SCAMP5: variants seen among roughly 807,000 people sequenced by gnomAD.
SCAMP5 encodes secretory carrier-associated membrane protein 5.
Under a neutral mutation model 28.3 loss-of-function variants are expected in SCAMP5, and 7 were observed. The ratio of observed to expected loss-of-function variants is 0.25; its 90% CI spans 0.14 to 0.46. The LOEUF is 0.46. SCAMP5 is among the 20% of genes least tolerant of loss of function. SCAMP5 has a pLI of 0.99. For missense variants in SCAMP5, 192 were observed against 312.5 expected, an observed-to-expected ratio of 0.61 and a Z score of 2.91; for synonymous variants, 117 against 116.4, an observed-to-expected ratio of 1.00 and a Z score of -0.03.
At chr15:75,015,376 TA>T (rs757825532) in intron 3 of SCAMP5, among the ~76,000 whole-genome samples, 2 of 151,632 alleles carry the variant, frequency 1.3e-5, no homozygotes, top group African/African-American at 2.4e-5. Flanking sequence ...CTTTTATCTG[TA>T]AATCTTTGAG....
At chr15:75,001,469 G>T (rs2065707535) in intron 1 of SCAMP5, among the ~76,000 whole-genome samples, 1 of 151,312 alleles carries the variant, frequency 6.6e-6, no homozygotes, top group Admixed American at 6.6e-5. Context: ...CCTTCATCTT[G>T]TCTCCTCTAT....
chr15:75,017,444 G>C (rs1223715871), intron 4 of SCAMP5, among the ~76,000 whole-genome samples: 1 of 152,084 alleles, frequency 6.6e-6, no homozygotes, highest in Non-Finnish European at 1.5e-5. Flanking sequence ...TACTGTTTTG[G>C]TGCCAATAGG....
Position 74,995,573 on chromosome 15 carries a change from A to G in SCAMP5, c.-149A>G, listed in dbSNP as rs1254925727. Reference sequence around the variant, plus strand: ...GCGCGCGCGCGCGCTCCCCGCCCCCAGCCCCGGAGCGGCTCGCGGCCGGCT... The same window carrying G: ...GCGCGCGCGCGCGCTCCCCGCCCCCGGCCCCGGAGCGGCTCGCGGCCGGCT... On this transcript the variant is annotated 5_prime_UTR_variant, in exon 1 of 7. Transcript: ENST00000425597. 2 of 140,466 alleles carry G rather than the reference A, an allele frequency of 1.4e-5. No individual in the cohort carries two copies. Among genetic ancestry groups the G allele is most frequent in the Non-Finnish European group, 3.1e-5 (2 of 64,818 alleles). The allele number at this position is 140,466 out of a possible 1,614,324, so 8.7% of individuals were successfully genotyped here.
intron 3 of SCAMP5, among the ~76,000 whole-genome samples, chr15:75,014,171 C>T (rs931664346): frequency 1.3e-5 from 2 of 152,052 alleles, no homozygotes; most frequent in Admixed American, 6.6e-5. Flanking sequence ...TTGCATGTGC[C>T]GACAAGGTGG....
At chr15:75,017,844 G>A (rs2065872066) in intron 4 of SCAMP5, 26 bp from the exon 5 acceptor site, 1 of 1,528,842 alleles carries the variant, frequency 6.5e-7, no homozygotes, top group East Asian at 2.2e-5. Context: ...CTGCCCAGGT[G>A]ACGGGAGCCA....
At chr15:75,000,805 A>G (rs1329541600) in intron 1 of SCAMP5, among the ~76,000 whole-genome samples, 1 of 149,152 alleles carries the variant, frequency 6.7e-6, no homozygotes, top group Non-Finnish European at 1.5e-5. Context: ...AGCCCCATTT[A>G]CCTTTCAACT....
At position 75,012,673 on chromosome 15, in the gene SCAMP5, A is replaced by G. The variant is rs2065822773; in HGVS notation, c.8-4A>G. On this transcript the variant is annotated splice_polypyrimidine_tract_variant and splice_region_variant and intron_variant, in intron 2 of 6. Coordinates refer to ENST00000425597, the MANE Select transcript of SCAMP5 (RefSeq NM_138967.4). Reference sequence around the variant, plus strand: ...TGATGTTGTGCAATGTGTCTCATCCACAGAGAAAGTGAACAACTTCCCACC... The same window carrying G: ...TGATGTTGTGCAATGTGTCTCATCCGCAGAGAAAGTGAACAACTTCCCACC... The G allele has an allele frequency of 1.2e-6, 2 of 1,613,844 alleles. No individual in the cohort carries two copies. The highest frequency in any genetic ancestry group is 1.1e-5 in the South Asian group (1 of 91,090).
Position 75,020,186 on chromosome 15 carries a change from G to A in SCAMP5, c.*1203G>A, listed in dbSNP as rs187528770. 3 of 152,736 alleles carry A rather than the reference G, an allele frequency of 2.0e-5. No individual in the cohort carries two copies. The East Asian group carries it at 5.8e-4, about 29-fold the overall frequency. The allele number at this position is 152,736 out of a possible 1,614,324, so 9.5% of individuals were successfully genotyped here. On this transcript the variant is annotated 3_prime_UTR_variant, in exon 7 of 7. Coordinates refer to ENST00000425597, the MANE Select transcript of SCAMP5 (RefSeq NM_138967.4). ...CAGTGAGGCATTTAGGTATCTCTCG[G>A]TGACCGTTGGATTCCTGGAAGCAGT...
rs1366643011 is a variant in SCAMP5, at chr15:75,019,021, T to G, written c.*38T>G. 5.0e-6 allele frequency: 7 copies of G among 1,402,304 alleles called. No individual in the cohort carries two copies. In the Admixed American group the frequency reaches 8.0e-5, roughly 16 times the overall value. 86.9% of individuals were successfully genotyped at this position (1,402,304 alleles called of 1,614,324 possible). On this transcript the variant is annotated 3_prime_UTR_variant, in exon 7 of 7. Transcript: ENST00000425597. ...TACCAGGTGGCAGAGCTGGGGCCAT[T>G]GGGACAGGGGGCTCAAGCCACATCG...
In SCAMP5 at chr15:75,012,745, G is replaced by A. The variant is rs2065823422; in HGVS notation, c.76G>A (p.Glu26Lys). Reference protein sequence around the residue: ...PLKPCFYQDFEADIPPQHVSM... With the variant: ...PLKPCFYQDFKADIPPQHVSM... ...GAAGCCATGTTTCTACCAAGACTTC[G>A]AGGCAGATATTCCTCCCCAGCATGT... Residue 26 changes from glutamate to lysine, a missense_variant, in exon 3 of 7, where the codon GAG (glutamate) becomes AAG (lysine). Transcript: ENST00000425597. 2.5e-6 allele frequency: 4 copies of A among 1,613,890 alleles called. No homozygotes were observed. The highest frequency in any genetic ancestry group is 3.4e-6 in the Non-Finnish European group (4 of 1,179,798).
intron 1 of SCAMP5, among the ~76,000 whole-genome samples, chr15:75,006,638 A>C (rs900281160): frequency 7.9e-5 from 12 of 152,090 alleles, no homozygotes; most frequent in Non-Finnish European, 4.4e-5. Context: ...AAATACAAAA[A>C]AATTCGCCAG....
At position 75,017,827 on chromosome 15, in the gene SCAMP5, T is replaced by G. The variant is rs769035517; in HGVS notation, c.294-43T>G. On this transcript the variant is annotated intron_variant, in intron 4 of 6. Coordinates refer to ENST00000425597, the MANE Select transcript of SCAMP5 (RefSeq NM_138967.4). ...GGGGGCCTTGAAGGCAGGGAAGCCCTGGCCCTCTGCCCAGGTGACGGGAGC... is the reference window on the plus strand; with the variant it reads ...GGGGGCCTTGAAGGCAGGGAAGCCCGGGCCCTCTGCCCAGGTGACGGGAGC... The G allele has an allele frequency of 2.8e-5, 37 of 1,303,000 alleles. No individual in the cohort carries two copies. In the South Asian group the frequency reaches 4.2e-4, roughly 15 times the overall value. The allele number at this position is 1,303,000 out of a possible 1,614,324, so 80.7% of individuals were successfully genotyped here.
chr15:75,001,869 C>CAAAAAAAAAAA (rs769760180), intron 1 of SCAMP5, among the ~76,000 whole-genome samples: 10 of 40,460 alleles, frequency 2.5e-4, no homozygotes, highest in African/African-American at 9.0e-4. Flanking sequence ...GACTCGGTCT[C>CAAAAAAAAAAA]AAAAAAAAAA....
At chr15:74,999,158 G>A (rs1324679395) in intron 1 of SCAMP5, among the ~76,000 whole-genome samples, 2 of 152,120 alleles carry the variant, frequency 1.3e-5, no homozygotes, top group East Asian at 3.8e-4. Context: ...TTAAACTCTA[G>A]TATTTCTCTC....
chr15:75,017,497 A>G (rs2065869311), intron 4 of SCAMP5, among the ~76,000 whole-genome samples: 1 of 152,080 alleles, frequency 6.6e-6, no homozygotes, highest in African/African-American at 2.4e-5. Flanking sequence ...CTCTGAGCCT[A>G]TGAGACCATC....
At chr15:75,001,087 GGTGAAACCCC>G (rs1379393613) in intron 1 of SCAMP5, among the ~76,000 whole-genome samples, 2 of 151,312 alleles carry the variant, frequency 1.3e-5, no homozygotes, top group Non-Finnish European at 2.9e-5. Flanking sequence ...TGGCTAACAC[GGTGAAACCCC>G]GTCTCTACTA....
intron 1 of SCAMP5, among the ~76,000 whole-genome samples, chr15:75,004,234 G>T (rs534031512): frequency 6.6e-6 from 1 of 151,998 alleles, no homozygotes; most frequent in Admixed American, 6.6e-5. Flanking sequence ...AGGATCTTGC[G>T]TTATTGCTCA....
At position 75,017,895 on chromosome 15, in the gene SCAMP5, G is replaced by T; in HGVS notation, c.319G>T (p.Ala107Ser). 6.2e-7 allele frequency: 1 copy of T among 1,613,626 alleles called. No individual in the cohort carries two copies. ...FKTDSSFSFM[A>S]FFFTFMAQLV... Reference sequence around the variant, plus strand: ...GACTGACAGCTCCTTCAGTTTCATGGCATTCTTCTTTACCTTCATGGCTCA... The same window carrying T: ...GACTGACAGCTCCTTCAGTTTCATGTCATTCTTCTTTACCTTCATGGCTCA... Residue 107 changes from alanine (A) to serine (S), a missense_variant, in exon 5 of 7, where the codon GCA becomes TCA. By Grantham distance (99) the Ala-to-Ser change is moderately conservative (BLOSUM62 1). Transcript: ENST00000425597.
At chr15:75,013,036 CCCTT>C (rs145995296) in intron 3 of SCAMP5, 5,971 of 553,452 alleles carry the variant, frequency 0.011, 157 homozygotes, top group African/African-American at 0.071. Context: ...GGCCTCTCTT[CCCTT>C]CCTTCCCCTC....
Sources: allele counts gnomAD v4.1 joint callset (sites outside exome capture counted in the v4.1 genomes callset), GRCh38; gene constraint gnomAD v4.1.1; transcripts MANE v1.5; gene names NCBI Gene and HGNC (gene_info 2026-07-23, HGNC 2026-07-21).